Variants in PRH1 observed in about 807,000 individuals in gnomAD.
The protein encoded by PRH1 is salivary acidic proline-rich phosphoprotein 1/2.
In PRH1, 7 loss-of-function variants were observed where a neutral mutation model predicts 7.9. The ratio of observed to expected loss-of-function variants is 0.89; its 90% CI spans 0.50 to 1.67. The LOEUF (loss-of-function observed/expected upper bound fraction) is 1.67, where lower values mean the gene tolerates loss of function less well. Ranked by LOEUF, PRH1 falls within the 40% of genes most tolerant of loss-of-function variation. PRH1 has a pLI of 0.00. For synonymous variants in PRH1, 45 were observed against 80.8 expected, an observed-to-expected ratio of 0.56 and a Z score of 2.38; for missense variants, 109 against 223.6, an observed-to-expected ratio of 0.49 and a Z score of 3.27.
intron 2 of PRH1, among the ~76,000 whole-genome samples, chr12:10,902,588 C>T (rs777797396): frequency 6.6e-6 from 1 of 151,928 alleles, no homozygotes; most frequent in Non-Finnish European, 1.5e-5. Flanking sequence ...CCAAGGTCTA[C>T]ACTAAAGAAA....
upstream of PRH1, among the ~76,000 whole-genome samples, chr12:10,885,623 C>G (rs1171203741): frequency 6.6e-6 from 1 of 152,220 alleles, no homozygotes; most frequent in Middle Eastern, 3.2e-3. Flanking sequence ...TTTTGTCGCT[C>G]TCTCCTCAGC....
At chr12:11,100,789 T>C (rs976728970) in intron 1 of PRH1, among the ~76,000 whole-genome samples, 1 of 152,294 alleles carries the variant, frequency 6.6e-6, no homozygotes, top group East Asian at 1.9e-4. Flanking sequence ...AAGATCAGGC[T>C]AAATTATTTT....
chr12:11,015,041 G>A (rs1238132051), intron 1 of PRH1, among the ~76,000 whole-genome samples: 3 of 152,126 alleles, frequency 2.0e-5, no homozygotes, highest in East Asian at 1.9e-4. Flanking sequence ...GGAATAGGGC[G>A]AGTAGGCTGA....
At chr12:10,908,698 A>G in intron 2 of PRH1, 1 of 1,613,892 alleles carries the variant, frequency 6.2e-7, no homozygotes, top group East Asian at 2.2e-5. Context: ...GAGAAAATTA[A>G]CAGGAGAAAA....
intron 1 of PRH1, among the ~76,000 whole-genome samples, chr12:11,033,594 T>C (rs1010208118): frequency 5.9e-5 from 9 of 152,108 alleles, no homozygotes; most frequent in Non-Finnish European, 1.0e-4. Context: ...GTTTGTCCTG[T>C]GAGGTCGATA....
At chr12:11,130,422 G>A (rs1946302920) in intron 1 of PRH1, among the ~76,000 whole-genome samples, 1 of 152,060 alleles carries the variant, frequency 6.6e-6, no homozygotes, top group African/African-American at 2.4e-5. Flanking sequence ...TATGTTTTGG[G>A]GGCCTACTGG....
intron 2 of PRH1, among the ~76,000 whole-genome samples, chr12:10,911,047 G>T (rs938623867): frequency 6.6e-6 from 1 of 152,120 alleles, no homozygotes; most frequent in Non-Finnish European, 1.5e-5. Context: ...CAGTTTGTTA[G>T]GTTTGTATAT....
Position 11,146,504 on chromosome 12 carries a change from C to T in PRH1, n.39+24918G>A, listed in dbSNP as rs763260124. On this transcript the variant is annotated intron_variant and non_coding_transcript_variant, in intron 1 of 1. Coordinates refer to the PRH1 transcript ENST00000541175. ...CTAGTTTTAATACTCTTTCTGTATT[C>T]ATTATCAAATGCCTAGATGTATAAT... Among the ~76,000 whole-genome samples, 96 of 151,990 alleles carry T rather than the reference C, an allele frequency of 6.3e-4. 1 individual carries two copies. Among genetic ancestry groups the T allele is most frequent in the Admixed American group, 4.5e-3 (69 of 15,260 alleles).
rs532835035 is a variant in PRH1, at chr12:10,998,602, T to A, written c.-125-24881A>T. ...AATTGCTTTCTTGTAACTTATGACA[T>A]GGAAAATGAGTTTCCAGGAGCTCGT... On this transcript the variant is annotated intron_variant, in intron 1 of 3. Transcript: ENST00000539853. Among the ~76,000 whole-genome samples the A allele has an allele frequency of 2.6e-5, 4 of 152,268 alleles. No homozygotes were observed. The South Asian group carries it at 8.3e-4, about 32-fold the overall frequency.
intron 1 of PRH1, 24 bp downstream of exon 1, chr12:10,884,130 A>G (rs772733911): frequency 3.9e-5 from 63 of 1,613,944 alleles, no homozygotes; most frequent in Non-Finnish European, 5.2e-5. Context: ...CAGAGTCACA[A>G]TATCTTCCCC....
intron 1 of PRH1, chr12:11,035,001 A>G (rs1942376844): frequency 6.6e-6 from 1 of 152,112 alleles, no homozygotes; most frequent in Non-Finnish European, 1.5e-5. Context: ...CACTGAAGAC[A>G]TGAATCCATT....
At chr12:11,080,403 G>A (rs77644259) in intron 1 of PRH1, among the ~76,000 whole-genome samples, 211 of 81,696 alleles carry the variant, frequency 2.6e-3, no homozygotes, top group Admixed American at 3.6e-3. Flanking sequence ...TAGGCAGCTT[G>A]TTTTTGAGCT....
Position 11,133,885 on chromosome 12 carries a change from G to T in PRH1, n.40-12705C>A, listed in dbSNP as rs747487602. ...CAACACTCTTAACTCTCCTCTTTAT[G>T]CGAAGAAAAATAAGGTTGGAGAAAT... On this transcript the variant is annotated intron_variant and non_coding_transcript_variant, in intron 1 of 1. Coordinates refer to the PRH1 transcript ENST00000541175. 2.5e-6 allele frequency: 4 copies of T among 1,613,978 alleles called. No homozygotes were observed. In the Admixed American group the frequency reaches 6.7e-5, roughly 27 times the overall value.
At chr12:11,087,585 A>AGCCTCTGCTTC (rs1415348140) in intron 1 of PRH1, among the ~76,000 whole-genome samples, 1 of 116,888 alleles carries the variant, frequency 8.6e-6, no homozygotes, top group African/African-American at 2.9e-5. Context: ...AGCAGGACCA[A>AGCCTCTGCTTC]AGGGAAGCCT....
chr12:11,060,742 T>C (rs1297922089), intron 1 of PRH1, among the ~76,000 whole-genome samples: 2 of 152,144 alleles, frequency 1.3e-5, no homozygotes, highest in Admixed American at 6.6e-5. Context: ...CTACATATGC[T>C]TGTCACTCAA....
intron 1 of PRH1, among the ~76,000 whole-genome samples, chr12:11,071,220 G>A (rs4503632): frequency 0.2 from 27,933 of 138,082 alleles, no homozygotes; most frequent in East Asian, 0.46. Flanking sequence ...GAAATTCCAG[G>A]CTCTGCTCCA....
At chr12:11,031,383 G>T (rs1942209012) in intron 1 of PRH1, 1 of 1,587,946 alleles carries the variant, frequency 6.3e-7, no homozygotes, top group Non-Finnish European at 8.6e-7. Context: ...GTTGTGTCCG[G>T]AGTTGGTTCC....
intron 2 of PRH1, chr12:10,973,404 G>A: frequency 2.9e-6 from 1 of 343,846 alleles, no homozygotes; most frequent in South Asian, 1.5e-4. Flanking sequence ...CAAGTCTGAT[G>A]GCCAGGACAG....
chr12:10,908,295 T>G, intron 2 of PRH1: 1 of 1,248,676 alleles, frequency 8.0e-7, no homozygotes, highest in Admixed American at 2.4e-5. Flanking sequence ...AGGGGAAGCA[T>G]AAAATATCTT....
Sources: gnomAD v4.1 joint callset for allele counts (sites outside exome capture counted in the v4.1 genomes callset) on GRCh38, gnomAD v4.1.1 for gene constraint, MANE v1.5 for transcripts, NCBI Gene and HGNC (gene_info 2026-07-23, HGNC 2026-07-21) for gene names.